DNAH7: variants seen among roughly 807,000 people sequenced by gnomAD.
DNAH7 encodes the protein axonemal beta dynein heavy chain 7.
In DNAH7, 397 loss-of-function variants were observed where a neutral mutation model predicts 444.6. The observed-to-expected ratio is 0.89, with a 90% CI of 0.82 to 0.97. The LOEUF (loss-of-function observed/expected upper bound fraction) is 0.97. Ranked by LOEUF, DNAH7 falls within the 50% of genes least tolerant of loss-of-function variation. The pLI, the probability that DNAH7 is intolerant of heterozygous loss-of-function variation, is 0.00. For missense variants in DNAH7, 4,902 were observed against 4,800.8 expected, an observed-to-expected ratio of 1.02 and a Z score of -0.62; for synonymous variants, 1,636 against 1,624.4, an observed-to-expected ratio of 1.01 and a Z score of -0.17.
At chr2:196,015,687 T>C (rs1178914082) in intron 9 of DNAH7, among the ~76,000 whole-genome samples, 1 of 152,216 alleles carries the variant, frequency 6.6e-6, no homozygotes, top group Non-Finnish European at 1.5e-5. Context: ...TCATGCATTT[T>C]AGAGTCACTC....
At chr2:195,964,171 T>A (rs1691305272) in intron 17 of DNAH7, among the ~76,000 whole-genome samples, 1 of 152,230 alleles carries the variant, frequency 6.6e-6, no homozygotes, top group Non-Finnish European at 1.5e-5. Flanking sequence ...GTTTTTTCTA[T>A]TTCTGTGAGG....
intron 61 of DNAH7, among the ~76,000 whole-genome samples, chr2:195,761,265 A>G (rs1016073506): frequency 2.6e-5 from 4 of 152,108 alleles, no homozygotes; most frequent in Admixed American, 6.5e-5. Context: ...AGTTAGCTAG[A>G]AGACAGGCTA....
Position 195,957,432 on chromosome 2 carries a change from C to A in DNAH7, c.2907G>T (p.Lys969Asn). Reference protein sequence around the residue: ...YEKQMREWEGKLLLLQEILDE... With the variant: ...YEKQMREWEGNLLLLQEILDE... ...CCAGAATCTCCTGAAGCAGTAGGAG[C>A]TTGCCCTCCCATTCTCTGAGGAGCA... Residue 969 changes from lysine (K) to asparagine (N), a missense_variant, in exon 19 of 65, where the codon AAG (lysine) becomes AAT (asparagine). Transcript: ENST00000312428. 1.9e-6 allele frequency: 3 copies of A among 1,560,836 alleles called. No individual in the cohort carries two copies. The highest frequency in any genetic ancestry group is 2.6e-6 in the Non-Finnish European group (3 of 1,144,126).
chr2:195,848,319 T>C (rs1217862144), intron 46 of DNAH7, among the ~76,000 whole-genome samples: 2 of 152,248 alleles, frequency 1.3e-5, no homozygotes, highest in Non-Finnish European at 2.9e-5. Context: ...TGGTGTTCCA[T>C]CATGATTCCT....
chr2:195,884,224 G>A (rs945287758), intron 35 of DNAH7, among the ~76,000 whole-genome samples: 1 of 152,210 alleles, frequency 6.6e-6, no homozygotes, highest in Non-Finnish European at 1.5e-5. Flanking sequence ...GGACTTCTTA[G>A]TGCCTAGTAT....
chr2:195,782,599 C>A (rs1695441616), intron 58 of DNAH7, among the ~76,000 whole-genome samples: 1 of 151,032 alleles, frequency 6.6e-6, no homozygotes, highest in Middle Eastern at 3.4e-3. Flanking sequence ...CATTTTTTTC[C>A]AAAAAAAATC....
chr2:195,854,821 A>C (rs1699598298), intron 45 of DNAH7, among the ~76,000 whole-genome samples: 1 of 152,206 alleles, frequency 6.6e-6, no homozygotes, highest in Non-Finnish European at 1.5e-5. Flanking sequence ...GTTTAAAGAG[A>C]GCAACTGCAT....
At position 195,923,633 on chromosome 2, in the gene DNAH7, C is replaced by T. The variant is rs764433313; in HGVS notation, c.3787G>A (p.Asp1263Asn). Residue 1263 changes from aspartate to asparagine, a missense_variant, in exon 23 of 65, where the codon GAC becomes AAC. By Grantham distance (23) the Asp-to-Asn change is conservative (BLOSUM62 1). Coordinates refer to ENST00000312428, the MANE Select transcript of DNAH7 (RefSeq NM_018897.3). ...CTAAGCTGACTTAACCATTCAAAGT[C>T]AGAGTCATCGCTAATATTTTTTTTT... ...LVKKNISDDS[D>N]FEWLSQLRYY... 4 of 1,614,094 alleles carry T rather than the reference C, an allele frequency of 2.5e-6. No individual in the cohort carries two copies. In the East Asian group the frequency reaches 8.9e-5, roughly 36 times the overall value.
chr2:195,853,858 T>A (rs1211051052), intron 45 of DNAH7, among the ~76,000 whole-genome samples: 1 of 152,230 alleles, frequency 6.6e-6, no homozygotes, highest in African/African-American at 2.4e-5. Flanking sequence ...CCCTCCATTT[T>A]AAATAATCTA....
chr2:195,966,677 T>C (rs965581784), intron 17 of DNAH7, among the ~76,000 whole-genome samples: 1 of 152,222 alleles, frequency 6.6e-6, no homozygotes, highest in East Asian at 1.9e-4. Context: ...TCTTGCTGAA[T>C]TGATCCTTGT....
chr2:195,861,655 T>C, intron 42 of DNAH7, 62 bp downstream of exon 42: 1 of 1,141,614 alleles, frequency 8.8e-7, no homozygotes, highest in Admixed American at 2.2e-5. Flanking sequence ...TATGTCGTTT[T>C]TGCACACACA....
rs773805069 is a variant in DNAH7 at position 195,926,426 on chromosome 2, C to T, written c.3612G>A (p.Lys1204=). The stretch of plus-strand genomic sequence containing the variant: ...AACCCGAGGGTTAATAAAACCTTAC[C>T]TTTATCCCCATTGGAATAGCTGTTT... ...EVQTAIPMGI[K]ALEQYLKTCN... Residue 1204 remains lysine (K), a splice_region_variant and synonymous_variant, in exon 22 of 65, where the codon AAG becomes AAA. Transcript: ENST00000312428. 1.3e-6 allele frequency: 2 copies of T among 1,569,570 alleles called. No individual in the cohort carries two copies. The highest frequency in any genetic ancestry group is 2.4e-5 in the South Asian group (2 of 83,052).
chr2:195,839,645 T>C (rs925571674), intron 47 of DNAH7, among the ~76,000 whole-genome samples: 2 of 151,392 alleles, frequency 1.3e-5, no homozygotes, highest in Non-Finnish European at 3.0e-5. Context: ...ATAGAAAGAA[T>C]ACACAAATTA....
chr2:195,862,226 C>G (rs1700060983), intron 41 of DNAH7, among the ~76,000 whole-genome samples: 1 of 152,130 alleles, frequency 6.6e-6, no homozygotes. Flanking sequence ...GGCAAATGAA[C>G]TAAATTTATG....
At chr2:196,015,345 T>C (rs1280042880) in intron 9 of DNAH7, among the ~76,000 whole-genome samples, 1 of 152,186 alleles carries the variant, frequency 6.6e-6, no homozygotes, top group Non-Finnish European at 1.5e-5. Context: ...GTACGGTAAA[T>C]CAATTATAGT....
At chr2:195,968,055 TTCAG>T (rs1467308635) in intron 17 of DNAH7, among the ~76,000 whole-genome samples, 2 of 152,212 alleles carry the variant, frequency 1.3e-5, no homozygotes, top group African/African-American at 4.8e-5. Context: ...CCAAGCACTC[TTCAG>T]TCAGCTTGTG....
At chr2:196,003,242 TA>T (rs1694158502) in intron 10 of DNAH7, among the ~76,000 whole-genome samples, 1 of 143,916 alleles carries the variant, frequency 6.9e-6, no homozygotes, top group Non-Finnish European at 1.5e-5. Flanking sequence ...TAAAGAAAAA[TA>T]AATGGAGTAG....
Position 195,896,129 on chromosome 2 carries a change from T to G in DNAH7, c.4648-905A>C, listed in dbSNP as rs1470196595. Among the ~76,000 whole-genome samples the G allele has an allele frequency of 2.6e-5, 4 of 152,224 alleles. No homozygotes were observed. In the East Asian group the frequency reaches 7.7e-4, roughly 29 times the overall value. On this transcript the variant is annotated intron_variant, in intron 29 of 64. Transcript: ENST00000312428. ...GGTGTTGAACATTTTAAGAAACTGC[T>G]TAACTGTTTTCTAAAGTGGTTGTAC...
chr2:195,756,002 T>C, intron 62 of DNAH7, 131 bp downstream of exon 62: 4 of 875,292 alleles, frequency 4.6e-6, no homozygotes, highest in Non-Finnish European at 6.7e-6. Flanking sequence ...ATATGAAATA[T>C]TAAGTAGTGG....
Sources: gnomAD v4.1 joint callset for allele counts (sites outside exome capture counted in the v4.1 genomes callset) on GRCh38, gnomAD v4.1.1 for gene constraint, MANE v1.5 for transcripts, NCBI Gene and HGNC (gene_info 2026-07-23, HGNC 2026-07-21) for gene names.